LRRN2: variants seen among roughly 807,000 people sequenced by gnomAD.
LRRN2 encodes leucine rich repeat neuronal 2.
LRRN2 carries 10 observed loss-of-function variants against 35.7 expected under a neutral mutation model. That is an observed-to-expected ratio of 0.28 (90% CI 0.17 to 0.47). The LOEUF is 0.47. LRRN2 is among the 20% of genes least tolerant of loss of function. The pLI is 0.99. For synonymous variants in LRRN2, 391 were observed against 409.6 expected (o/e 0.95, Z 0.55); for missense variants, 731 against 940.3 (o/e 0.78, Z 2.91).
rs1296699483 is a variant in LRRN2, at chr1:204,665,865, A to G, written c.-227+19455T>C. ...ATTAAACCTCCTGAGGCCCCCACTG[A>G]GTGAAAATAACTCACTGCTTCCACA... is the stretch of plus-strand genomic sequence containing the variant. On this transcript the variant is annotated intron_variant, in intron 1 of 1. Transcript: ENST00000367177. Among the ~76,000 whole-genome samples, 4 of 152,186 alleles carry G rather than the reference A, an allele frequency of 2.6e-5. No homozygotes were observed. In the East Asian group the frequency reaches 7.7e-4, roughly 29 times the overall value.
chr1:204,620,188 C>T lies in LRRN2; in HGVS notation c.-196G>A, dbSNP rs1289450943. On this transcript the variant is annotated 5_prime_UTR_variant, in exon 2 of 2. It removes the in-frame stop codon of an upstream open reading frame in the 5' UTR. Transcript: ENST00000367177. ...CTTGTCCTCTGGGGCTGGGCCTGCT[C>T]AGTCATTGCCAGGCCCCATCAGGGG... 9 of 1,444,200 alleles carry T rather than the reference C, an allele frequency of 6.2e-6. No homozygotes were observed. Among genetic ancestry groups the T allele is most frequent in the South Asian group, 1.5e-5 (1 of 66,362 alleles). 89.5% of individuals were successfully genotyped at this position (1,444,200 alleles called of 1,614,324 possible).
chr1:204,654,033 CAAAAAAAAA>C lies in LRRN2; in HGVS notation c.-227+31278_-227+31286del, dbSNP rs56179230. Among the ~76,000 whole-genome samples the C allele has an allele frequency of 4.7e-5, 4 of 84,312 alleles. No individual in the cohort carries two copies. The Admixed American group carries it at 5.4e-4, about 11-fold the overall frequency. The allele number at this position is 84,312 out of a possible 152,430, so 55.3% of individuals were successfully genotyped here. On this transcript the variant is annotated intron_variant, in intron 1 of 1. Transcript: ENST00000367177. The stretch of plus-strand genomic sequence containing the variant: ...CTTTGGTGACAGTGTGAGACCCTGA[CAAAAAAAAA>C]AAAAAAAAAAAAGGATCTAGAGATT...
intron 1 of LRRN2, among the ~76,000 whole-genome samples, chr1:204,638,954 C>T (rs1667914312): frequency 6.6e-6 from 1 of 152,252 alleles, no homozygotes; most frequent in South Asian, 2.1e-4. Flanking sequence ...TGCTGAATGA[C>T]CCTGCCCTGA....
chr1:204,667,357 T>C (rs1668595157), intron 1 of LRRN2, among the ~76,000 whole-genome samples: 1 of 152,326 alleles, frequency 6.6e-6, no homozygotes, highest in Admixed American at 6.5e-5. Flanking sequence ...GCTTGTCCAG[T>C]TAATCCATAC....
intron 1 of LRRN2, among the ~76,000 whole-genome samples, chr1:204,662,909 G>C (rs1263976216): frequency 2.0e-5 from 3 of 152,124 alleles, no homozygotes; most frequent in African/African-American, 7.2e-5. Flanking sequence ...CTGTTCTCAG[G>C]ATGGCTCAGG....
At position 204,618,128 on chromosome 1, in the gene LRRN2, T is replaced by G. The variant is rs1215665330; in HGVS notation, c.1865A>C (p.His622Pro). Reference protein sequence around the residue: ...WARTKEATSCHRALGDRPGLI... With the variant: ...WARTKEATSCPRALGDRPGLI... Reference sequence around the variant, plus strand: ...CCCAGGACGGTCCCCTAAGGCTCTGTGGCAAGAAGTGGCCTCTTTGGTCCT... The same window carrying G: ...CCCAGGACGGTCCCCTAAGGCTCTGGGGCAAGAAGTGGCCTCTTTGGTCCT... Residue 622 changes from histidine to proline, a missense_variant, in exon 2 of 2, where the codon CAC (histidine) becomes CCC (proline). His to Pro is a moderately conservative substitution (Grantham distance 77). This residue lies in a region of LRRN2 where 229 missense variants were observed against 258.4 expected (regional missense o/e 0.89). Transcript: ENST00000367177. 3 of 1,614,110 alleles carry G rather than the reference T, an allele frequency of 1.9e-6. No homozygotes were observed. In the South Asian group the frequency reaches 3.3e-5, roughly 18 times the overall value.
rs372719614 is a variant in LRRN2 at position 204,617,702 on chromosome 1, C to T, written c.*149G>A. 5.6e-6 allele frequency: 5 copies of T among 889,646 alleles called. No individual in the cohort carries two copies. The highest frequency in any genetic ancestry group is 1.7e-5 in the African/African-American group (1 of 60,118). 55.1% of individuals were successfully genotyped at this position (889,646 alleles called of 1,614,324 possible). A position where few individuals can be genotyped will look rare whatever the true frequency, so the allele number is the denominator to read the frequency against. ...GAGGCTGCAGAAGCACCCCCAGGGC[C>T]ACAAAGCCCCATCTGTCTTGGCCCA... On this transcript the variant is annotated 3_prime_UTR_variant, in exon 2 of 2. Transcript: ENST00000367177.
chr1:204,664,884 T>G (rs536263182), intron 1 of LRRN2, among the ~76,000 whole-genome samples: 2 of 152,280 alleles, frequency 1.3e-5, no homozygotes, highest in Admixed American at 6.5e-5. Flanking sequence ...TGGTCCCTCT[T>G]TACAGCCTCA....
At position 204,619,006 on chromosome 1, in the gene LRRN2, G is replaced by C; in HGVS notation, c.987C>G (p.Arg329=). The part of the protein sequence containing the change: ...NNPRLSFIHP[R]AFHHLPQMET... ...CCATCTGGGGCAGGTGGTGGAAGGC[G>C]CGGGGGTGGATGAAGGACAGCCGTG... The change falls in exon 2 of 2, where the codon CGC becomes CGG. Residue 329 remains arginine (R), a synonymous_variant. Coordinates refer to ENST00000367177, the MANE Select transcript of LRRN2 (RefSeq NM_201630.2). 1 of 1,611,606 alleles carries C rather than the reference G, an allele frequency of 6.2e-7. No individual in the cohort carries two copies.
chr1:204,637,432 C>T (rs556568173), intron 1 of LRRN2, among the ~76,000 whole-genome samples: 47 of 152,108 alleles, frequency 3.1e-4, no homozygotes, highest in Admixed American at 1.4e-3. Context: ...CCAGAGGGAG[C>T]GGCTCAGGGA....
At chr1:204,659,891 A>T (rs1254959112) in intron 1 of LRRN2, among the ~76,000 whole-genome samples, 1 of 152,198 alleles carries the variant, frequency 6.6e-6, no homozygotes, top group East Asian at 1.9e-4. Context: ...AGTAGATAAG[A>T]CAGAGACCCA....
chr1:204,646,119 G>A (rs1668099788), intron 1 of LRRN2, among the ~76,000 whole-genome samples: 1 of 152,102 alleles, frequency 6.6e-6, no homozygotes, highest in Non-Finnish European at 1.5e-5. Flanking sequence ...AAAAAGTGGT[G>A]GCAGGGGAGG....
chr1:204,674,649 G>A (rs953232186), intron 1 of LRRN2, among the ~76,000 whole-genome samples: 1 of 152,208 alleles, frequency 6.6e-6, no homozygotes, highest in African/African-American at 2.4e-5. Context: ...AGCTTCACGA[G>A]GGCAGGTGCA....
At chr1:204,645,363 CTT>C (rs1045828850) in intron 1 of LRRN2, among the ~76,000 whole-genome samples, 7 of 152,210 alleles carry the variant, frequency 4.6e-5, no homozygotes, top group African/African-American at 1.7e-4. Flanking sequence ...CATGCTAAAA[CTT>C]GTGTGTGTGT....
At position 204,653,148 on chromosome 1, in the gene LRRN2, A is replaced by G. The variant is rs956756532; in HGVS notation, c.-227+32172T>C. Among the ~76,000 whole-genome samples, 5 of 152,220 alleles carry G rather than the reference A, an allele frequency of 3.3e-5. No individual in the cohort carries two copies. In the East Asian group the frequency reaches 7.7e-4, roughly 23 times the overall value. On this transcript the variant is annotated intron_variant, in intron 1 of 1. Coordinates refer to ENST00000367177, the MANE Select transcript of LRRN2 (RefSeq NM_201630.2). Reference sequence around the variant, plus strand: ...AATTGCGATTTTTGCCATTGAAAGTAACAGCAAAAACCACAATTACTTTTG... The same window carrying G: ...AATTGCGATTTTTGCCATTGAAAGTGACAGCAAAAACCACAATTACTTTTG...
chr1:204,634,849 G>A (rs1667793747), intron 1 of LRRN2, among the ~76,000 whole-genome samples: 2 of 152,246 alleles, frequency 1.3e-5, no homozygotes, highest in African/African-American at 4.8e-5. Flanking sequence ...AACTGTGCAA[G>A]CTTGGGCAAG....
chr1:204,680,351 C>A (rs1168090041), intron 1 of LRRN2, among the ~76,000 whole-genome samples: 1 of 152,188 alleles, frequency 6.6e-6, no homozygotes, highest in Non-Finnish European at 1.5e-5. Context: ...CCCCAGGAAC[C>A]CTCTGTCTGC....
chr1:204,634,074 T>G (rs1326432053), intron 1 of LRRN2, among the ~76,000 whole-genome samples: 2 of 152,032 alleles, frequency 1.3e-5, no homozygotes, highest in East Asian at 3.8e-4. Flanking sequence ...TACAAAAGAG[T>G]GTAGGTTAAA....
intron 1 of LRRN2, among the ~76,000 whole-genome samples, chr1:204,648,622 G>GC (rs1002138458): frequency 1.2e-4 from 18 of 152,044 alleles, no homozygotes; most frequent in South Asian, 8.3e-4. Flanking sequence ...TTCTAGCCTC[G>GC]CCCCCCCACC....
Sources: allele counts gnomAD v4.1 joint callset (sites outside exome capture counted in the v4.1 genomes callset), GRCh38; gene constraint gnomAD v4.1.1; regional missense constraint gnomAD v4.1.1; transcripts MANE v1.5; gene names NCBI Gene and HGNC (gene_info 2026-07-23, HGNC 2026-07-21).